ADK: variants seen among roughly 807,000 people sequenced by gnomAD.
ADK encodes N6,N6-dimethyladenosine kinase.
Under a neutral mutation model 44.7 loss-of-function variants are expected in ADK, and 24 were observed. That is an observed-to-expected ratio of 0.54 (90% CI 0.39 to 0.76). The LOEUF (loss-of-function observed/expected upper bound fraction) is 0.76. Among genes scored for constraint, ADK ranks in the 30% least tolerant of loss-of-function variants. The pLI is 0.00. For synonymous variants in ADK, 128 were observed against 142.6 expected, an observed-to-expected ratio of 0.90 and a Z score of 0.73; for missense variants, 321 against 425.1, an observed-to-expected ratio of 0.76 and a Z score of 2.15.
At chr10:74,388,333 C>A (rs1339705086) in intron 4 of ADK, among the ~76,000 whole-genome samples, 2 of 152,142 alleles carry the variant, frequency 1.3e-5, no homozygotes. Context: ...ACCTCCTGAC[C>A]TTTAGCTATT....
At chr10:74,685,465 T>C (rs959877585) in intron 10 of ADK, among the ~76,000 whole-genome samples, 1 of 152,244 alleles carries the variant, frequency 6.6e-6, no homozygotes, top group Non-Finnish European at 1.5e-5. Flanking sequence ...TCTGTGCATA[T>C]AGTTCTAAGC....
chr10:74,389,057 T>C (rs1843252011), intron 4 of ADK, among the ~76,000 whole-genome samples: 1 of 152,232 alleles, frequency 6.6e-6, no homozygotes, highest in Non-Finnish European at 1.5e-5. Context: ...ATGCCTGTTA[T>C]TCAATGTCTG....
In ADK at chr10:74,200,790, A is replaced by G. The variant is rs372720626; in HGVS notation, c.92A>G (p.Asn31Ser). ...LRENILFGMG[N>S]PLLDISAVVD... ...GAAAATATTCTCTTTGGAATGGGAA[A>G]TCCTCTGCTTGACATCTCTGCTGTA... Residue 31 changes from asparagine (N) to serine (S), a missense_variant, in exon 2 of 11, where the codon AAT (asparagine) becomes AGT (serine). Transcript: ENST00000539909. The G allele has an allele frequency of 5.1e-5, 83 of 1,611,700 alleles. No homozygotes were observed. Among genetic ancestry groups the G allele is most frequent in the Non-Finnish European group, 7.0e-5 (82 of 1,178,464 alleles).
At chr10:74,519,643 C>A (rs1848728430) in intron 6 of ADK, among the ~76,000 whole-genome samples, 1 of 151,786 alleles carries the variant, frequency 6.6e-6, no homozygotes, top group Non-Finnish European at 1.5e-5. Context: ...ATAATCAACC[C>A]TTCTTCATCA....
rs869221389 is a variant in ADK, at chr10:74,459,735, AAAAAAAAG to A, written c.555+61164_555+61171del. The stretch of plus-strand genomic sequence containing the variant: ...AGAGCAAGACTCCATCTCAAAAAAA[AAAAAAAAG>A]AAAAAAAAGAAAGGAGAAAAAAGAA... On this transcript the variant is annotated intron_variant, in intron 6 of 10. Transcript: ENST00000539909. 9.5e-3 allele frequency among the ~76,000 whole-genome samples: 1,401 copies of A among 148,022 alleles called. 51 individuals carry two copies. Among genetic ancestry groups the A allele is most frequent in the Admixed American group, 0.051 (738 of 14,478 alleles).
chr10:74,455,795 ATTCTT>A (rs1265381996), intron 6 of ADK, among the ~76,000 whole-genome samples: 4 of 151,898 alleles, frequency 2.6e-5, no homozygotes, highest in Non-Finnish European at 5.9e-5. Flanking sequence ...AGGCGTGAAA[ATTCTT>A]TTCTTTAAGA....
intron 9 of ADK, among the ~76,000 whole-genome samples, chr10:74,629,836 T>C (rs891522815): frequency 6.6e-6 from 1 of 152,154 alleles, no homozygotes; most frequent in African/African-American, 2.4e-5. Context: ...TGACCTTAGA[T>C]ATCAGCTGGT....
chr10:74,566,890 T>A (rs1234494055), intron 7 of ADK, among the ~76,000 whole-genome samples: 1 of 152,244 alleles, frequency 6.6e-6, no homozygotes, highest in Non-Finnish European at 1.5e-5. Context: ...ATCTACTCAC[T>A]GACTTAGACC....
At chr10:74,670,318 C>G (rs1855123249) in intron 10 of ADK, 49 bp downstream of exon 10, 4 of 1,427,148 alleles carry the variant, frequency 2.8e-6, no homozygotes, top group Admixed American at 1.7e-5. Context: ...ACATTTTAAC[C>G]CTTGTTTCTA....
intron 8 of ADK, among the ~76,000 whole-genome samples, chr10:74,600,048 C>T (rs1852060265): frequency 6.6e-6 from 1 of 151,938 alleles, no homozygotes; most frequent in Admixed American, 6.6e-5. Context: ...TTATCATTAC[C>T]TTTCAAAGAT....
At chr10:74,449,196 A>G (rs760386744) in intron 6 of ADK, among the ~76,000 whole-genome samples, 12 of 152,224 alleles carry the variant, frequency 7.9e-5, no homozygotes, top group Non-Finnish European at 1.5e-4. Context: ...CTCTCTGTCA[A>G]GGAAACTTAA....
At chr10:74,166,082 G>A (rs998858838) in intron 1 of ADK, among the ~76,000 whole-genome samples, 1 of 152,076 alleles carries the variant, frequency 6.6e-6, no homozygotes, top group Non-Finnish European at 1.5e-5. Flanking sequence ...TAGGATTAAG[G>A]GCATGCGCCA....
rs866046829 is a variant in ADK, at chr10:74,420,157, G to A, written c.555+21578G>A. Among the ~76,000 whole-genome samples the A allele has an allele frequency of 4.2e-4, 64 of 152,144 alleles. No homozygotes were observed. In the Middle Eastern group the frequency reaches 0.017, roughly 40 times the overall value. Reference sequence around the variant, plus strand: ...CTTCCTCCAGATAATACCGCCTTTTGGGACATGATTCTCACAACCTGTAAT... The same window carrying A: ...CTTCCTCCAGATAATACCGCCTTTTAGGACATGATTCTCACAACCTGTAAT... On this transcript the variant is annotated intron_variant, in intron 6 of 10. Transcript: ENST00000539909.
intron 7 of ADK, among the ~76,000 whole-genome samples, chr10:74,573,053 C>T (rs1235663824): frequency 3.9e-5 from 6 of 152,322 alleles, no homozygotes; most frequent in South Asian, 2.1e-4. Flanking sequence ...TGAGGAGCTG[C>T]GTTCCTTTGG....
At chr10:74,173,689 A>G (rs1842235578) in intron 1 of ADK, among the ~76,000 whole-genome samples, 1 of 152,054 alleles carries the variant, frequency 6.6e-6, no homozygotes, top group South Asian at 2.1e-4. Flanking sequence ...TCAGCCTCCC[A>G]AAGTGCTGGG....
intron 10 of ADK, among the ~76,000 whole-genome samples, chr10:74,686,878 A>T (rs912830891): frequency 6.6e-6 from 1 of 151,854 alleles, no homozygotes; most frequent in African/African-American, 2.4e-5. Context: ...GGGTTTCACC[A>T]TGTTGGCCAG....
rs192444147 is a variant in ADK at position 74,498,548 on chromosome 10, T to G, written c.556-26708T>G. Among the ~76,000 whole-genome samples the G allele has an allele frequency of 2.0e-5, 3 of 152,388 alleles. No individual in the cohort carries two copies. The East Asian group carries it at 5.8e-4, about 29-fold the overall frequency. On this transcript the variant is annotated intron_variant, in intron 6 of 10. Transcript: ENST00000539909. ...TTTATTTTTTATTTTTATTATACTTTAAGTTTTAGGGTACATGTGCACAAC... is the reference window on the plus strand; with the variant it reads ...TTTATTTTTTATTTTTATTATACTTGAAGTTTTAGGGTACATGTGCACAAC...
chr10:74,621,637 T>C (rs1220885658), intron 9 of ADK, among the ~76,000 whole-genome samples: 3 of 152,240 alleles, frequency 2.0e-5, no homozygotes, highest in African/African-American at 7.2e-5. Context: ...AGGGTTGTAT[T>C]GAATTGGCGG....
chr10:74,678,397 A>T (rs1855485005), intron 10 of ADK, among the ~76,000 whole-genome samples: 1 of 152,192 alleles, frequency 6.6e-6, no homozygotes, highest in Admixed American at 6.5e-5. Context: ...GCCATGATTT[A>T]AAAAAAGAGA....
Sources: allele counts gnomAD v4.1 joint callset (sites outside exome capture counted in the v4.1 genomes callset), GRCh38; gene constraint gnomAD v4.1.1; transcripts MANE v1.5; gene names NCBI Gene and HGNC (gene_info 2026-07-23, HGNC 2026-07-21).